The following PRKAA2 variants were observed in gnomAD, a reference collection of about 807,000 sequenced individuals.
PRKAA2 encodes the protein 5'-AMP-activated protein kinase catalytic subunit alpha-2.
A neutral mutation model predicts 56.3 loss-of-function variants in PRKAA2; 40 were observed. The ratio of observed to expected loss-of-function variants is 0.71; its 90% CI spans 0.55 to 0.92. PRKAA2 has a LOEUF of 0.92. Among genes scored for constraint, PRKAA2 ranks in the 40% least tolerant of loss-of-function variants. The pLI, the probability that PRKAA2 is intolerant of heterozygous loss-of-function variation, is 0.00. For synonymous variants in PRKAA2, 214 were observed against 234.2 expected (o/e 0.91, Z 0.79); for missense variants, 542 against 686.9 (o/e 0.79, Z 2.36).
chr1:56,704,036 C>A lies in PRKAA2; in HGVS notation c.854C>A (p.Ala285Asp). 1 of 1,613,798 alleles carries A rather than the reference C, an allele frequency of 6.2e-7. No individual in the cohort carries two copies. Among genetic ancestry groups the A allele is most frequent in the Non-Finnish European group, 8.5e-7 (1 of 1,179,720 alleles). The change falls in exon 7 of 9, where the codon GCT (alanine) becomes GAT (aspartate). Residue 285 changes from alanine to aspartate, a missense_variant. This residue lies in a region of PRKAA2 where 198 missense variants were observed against 234.0 expected (regional missense o/e 0.85). Transcript: ENST00000371244. Reference protein sequence around the residue: ...YLFPEDPSYDANVIDDEAVKE... With the variant: ...YLFPEDPSYDDNVIDDEAVKE... ...TTTCCTGAAGACCCTTCCTATGATG[C>A]TAACGTCATTGATGATGAGGCTGTG...
intron 1 of PRKAA2, among the ~76,000 whole-genome samples, chr1:56,663,085 TTG>T (rs1644007557): frequency 6.6e-6 from 1 of 151,952 alleles, no homozygotes; most frequent in African/African-American, 2.4e-5. Flanking sequence ...TGTTTGTTTG[TTG>T]TTTTTTGTTT....
chr1:56,702,061 A>G (rs1056796485), intron 6 of PRKAA2, among the ~76,000 whole-genome samples: 1 of 151,780 alleles, frequency 6.6e-6, no homozygotes, highest in Non-Finnish European at 1.5e-5. Flanking sequence ...TGCAACTAGC[A>G]TCACCATCAT....
chr1:56,712,145 A>G lies in PRKAA2; in HGVS notation c.*4432A>G, dbSNP rs1034310616. ...ACTTTGAGAGGTAACCAGAGAAAGC[A>G]TTTTTGCCATTTCCAGATGAGGAAG... On this transcript the variant is annotated 3_prime_UTR_variant, in exon 9 of 9. Transcript: ENST00000371244. 1.3e-5 allele frequency: 2 copies of G among 152,174 alleles called. No homozygotes were observed. The highest frequency in any genetic ancestry group is 4.8e-5 in the African/African-American group (2 of 41,450). The allele number at this position is 152,174 out of a possible 1,614,324, so 9.4% of individuals were successfully genotyped here.
intron 1 of PRKAA2, among the ~76,000 whole-genome samples, chr1:56,672,896 G>C (rs990193513): frequency 6.6e-6 from 1 of 152,142 alleles, no homozygotes; most frequent in Non-Finnish European, 1.5e-5. Context: ...AGACAAGTTG[G>C]AAACTAGAGG....
intron 6 of PRKAA2, among the ~76,000 whole-genome samples, chr1:56,696,502 C>T (rs1251027179): frequency 6.6e-6 from 1 of 151,998 alleles, no homozygotes; most frequent in Non-Finnish European, 1.5e-5. Context: ...ATTATTTAAT[C>T]CTCATCCTGT....
rs1167992852 is a variant in PRKAA2 at position 56,708,939 on chromosome 1, T to G, written c.*1226T>G. ...GCTTTTAAGCAAAAACCAGTTTTTTTGTTTGTTTGTTTTGCTTTGTGCAGG... is the reference window on the plus strand; with the variant it reads ...GCTTTTAAGCAAAAACCAGTTTTTTGGTTTGTTTGTTTTGCTTTGTGCAGG... On this transcript the variant is annotated 3_prime_UTR_variant, in exon 9 of 9. Transcript: ENST00000371244. The G allele has an allele frequency of 6.6e-6, 1 of 152,054 alleles. No individual in the cohort carries two copies. The highest frequency in any genetic ancestry group is 1.5e-5 in the Non-Finnish European group (1 of 67,976). The allele number at this position is 152,054 out of a possible 1,614,324, so 9.4% of individuals were successfully genotyped here.
chr1:56,659,512 A>C (rs998533910), intron 1 of PRKAA2, among the ~76,000 whole-genome samples: 3 of 150,172 alleles, frequency 2.0e-5, no homozygotes, highest in Non-Finnish European at 4.4e-5. Flanking sequence ...AAAAAAAAGG[A>C]AAAAAAAAGG....
At chr1:56,679,067 A>G (rs1644135170) in intron 2 of PRKAA2, among the ~76,000 whole-genome samples, 1 of 152,060 alleles carries the variant, frequency 6.6e-6, no homozygotes, top group Admixed American at 6.6e-5. Context: ...ACCACCTTGA[A>G]ATGTTGTCTC....
At chr1:56,660,502 A>G (rs556170694) in intron 1 of PRKAA2, among the ~76,000 whole-genome samples, 1 of 152,218 alleles carries the variant, frequency 6.6e-6, no homozygotes, top group Non-Finnish European at 1.5e-5. Context: ...TCCATACTTG[A>G]TTATTTTCAT....
chr1:56,676,093 T>C (rs1644111067), intron 2 of PRKAA2, among the ~76,000 whole-genome samples: 1 of 152,176 alleles, frequency 6.6e-6, no homozygotes. Context: ...TGTGGAGTTA[T>C]ATTGTTTACT....
intron 6 of PRKAA2, among the ~76,000 whole-genome samples, chr1:56,697,804 A>T (rs905172875): frequency 1.0e-4 from 15 of 147,892 alleles, no homozygotes; most frequent in African/African-American, 2.0e-4. Flanking sequence ...CTATATTAAA[A>T]TTTTTTTTTT....
chr1:56,708,450 T>C lies in PRKAA2; in HGVS notation c.*737T>C, dbSNP rs924907870. 3.9e-5 allele frequency: 6 copies of C among 152,244 alleles called. No homozygotes were observed. Among genetic ancestry groups the C allele is most frequent in the Non-Finnish European group, 8.8e-5 (6 of 68,038 alleles). The allele number at this position is 152,244 out of a possible 1,614,324, so 9.4% of individuals were successfully genotyped here. Reference sequence around the variant, plus strand: ...GAACATCTGGAATTGCAACAACTTTTGTCTTTTACATAAACTTACGTCATT... The same window carrying C: ...GAACATCTGGAATTGCAACAACTTTCGTCTTTTACATAAACTTACGTCATT... On this transcript the variant is annotated 3_prime_UTR_variant, in exon 9 of 9. Coordinates refer to ENST00000371244, the MANE Select transcript of PRKAA2 (RefSeq NM_006252.4).
chr1:56,695,449 C>G (rs1644253181), intron 5 of PRKAA2, among the ~76,000 whole-genome samples: 2 of 152,106 alleles, frequency 1.3e-5, no homozygotes, highest in South Asian at 2.1e-4. Context: ...CCTCAGCCTC[C>G]CAAAGTACTA....
intron 1 of PRKAA2, among the ~76,000 whole-genome samples, chr1:56,659,042 A>T (rs1262865773): frequency 6.7e-6 from 1 of 149,790 alleles, no homozygotes; most frequent in Admixed American, 6.7e-5. Context: ...GCTTCAAGCG[A>T]TCCTCTCGCC....
chr1:56,657,074 C>T (rs1437123424), intron 1 of PRKAA2, among the ~76,000 whole-genome samples: 3 of 152,206 alleles, frequency 2.0e-5, no homozygotes, highest in Non-Finnish European at 4.4e-5. Context: ...TGTAAGAAAA[C>T]CATTCCTAGA....
intron 1 of PRKAA2, 122 bp from the exon 2 acceptor site, chr1:56,674,259 A>G (rs1446186894): frequency 5.2e-6 from 4 of 761,958 alleles, no homozygotes; most frequent in Non-Finnish European, 5.9e-6. Flanking sequence ...GTAGTTTTGT[A>G]CAACAAGGGA....
intron 1 of PRKAA2, among the ~76,000 whole-genome samples, chr1:56,651,880 C>T (rs1277346496): frequency 8.0e-5 from 12 of 150,538 alleles, no homozygotes; most frequent in African/African-American, 2.4e-5. Context: ...CTGGCTCTGT[C>T]GCCCAGGCTG....
rs981887135 is a variant in PRKAA2, at chr1:56,669,612, T to G, written c.95-4769T>G. Reference sequence around the variant, plus strand: ...TACCCAGCCCCATTTCCTGGCTTATTATTGCCAGCATCTGTGTTCCTGACA... The same window carrying G: ...TACCCAGCCCCATTTCCTGGCTTATGATTGCCAGCATCTGTGTTCCTGACA... On this transcript the variant is annotated intron_variant, in intron 1 of 8. Transcript: ENST00000371244. Among the ~76,000 whole-genome samples, 3 of 152,200 alleles carry G rather than the reference T, an allele frequency of 2.0e-5. 1 individual carries two copies. The highest frequency in any genetic ancestry group is 2.4e-5 in the African/African-American group (1 of 41,540).
In PRKAA2 at chr1:56,708,490, A is replaced by C. The variant is rs1644348160; in HGVS notation, c.*777A>C. On this transcript the variant is annotated 3_prime_UTR_variant, in exon 9 of 9. Coordinates refer to ENST00000371244, the MANE Select transcript of PRKAA2 (RefSeq NM_006252.4). ...CTTACGTCATTTAAAAAATGTCTTCAAAATCTACCTTTCTCAAATTCTTTT... is the reference window on the plus strand; with the variant it reads ...CTTACGTCATTTAAAAAATGTCTTCCAAATCTACCTTTCTCAAATTCTTTT... 6.6e-6 allele frequency: 1 copy of C among 152,220 alleles called. No homozygotes were observed. The highest frequency in any genetic ancestry group is 1.5e-5 in the Non-Finnish European group (1 of 68,042). The allele number at this position is 152,220 out of a possible 1,614,324, so 9.4% of individuals were successfully genotyped here.
Sources: gnomAD v4.1 joint callset for allele counts (sites outside exome capture counted in the v4.1 genomes callset) on GRCh38, gnomAD v4.1.1 for gene constraint, gnomAD v4.1.1 regional missense constraint, MANE v1.5 for transcripts, NCBI Gene and HGNC (gene_info 2026-07-23, HGNC 2026-07-21) for gene names.